Variants in YY1AP1 observed in about 807,000 individuals in gnomAD.
The protein encoded by YY1AP1 is YY1 associated protein 1.
A neutral mutation model predicts 39.9 loss-of-function variants in YY1AP1; 43 were observed. The ratio of observed to expected loss-of-function variants is 1.08; its 90% CI spans 0.84 to 1.39. YY1AP1 has a LOEUF of 1.39. Ranked by LOEUF, YY1AP1 falls within the 40% of genes most tolerant of loss-of-function variation. YY1AP1 has a pLI of 0.00. For missense variants in YY1AP1, 813 were observed against 900.7 expected, an observed-to-expected ratio of 0.90 and a Z score of 1.25; for synonymous variants, 292 against 331.3, an observed-to-expected ratio of 0.88 and a Z score of 1.29.
chr1:155,664,530 T>C (rs1405907592), intron 9 of YY1AP1, among the ~76,000 whole-genome samples: 1 of 151,722 alleles, frequency 6.6e-6, no homozygotes, highest in Non-Finnish European at 1.5e-5. Context: ...AGGTCAGGGG[T>C]TCGAGATCAC....
At chr1:155,670,009 A>G (rs984500002) in intron 8 of YY1AP1, among the ~76,000 whole-genome samples, 1 of 152,200 alleles carries the variant, frequency 6.6e-6, no homozygotes, top group Non-Finnish European at 1.5e-5. Flanking sequence ...TGGGTGACAG[A>G]GTAAGATCCT....
At chr1:155,674,909 C>G in intron 6 of YY1AP1, 101 bp downstream of exon 6, 1 of 1,010,662 alleles carries the variant, frequency 9.9e-7, no homozygotes, top group Non-Finnish European at 1.5e-6. Flanking sequence ...ACATAGGAAG[C>G]CACAGCAATC....
intron 5 of YY1AP1, among the ~76,000 whole-genome samples, chr1:155,675,996 G>A (rs1271763676): frequency 6.6e-6 from 1 of 152,118 alleles, no homozygotes; most frequent in Non-Finnish European, 1.5e-5. Flanking sequence ...GGCCGAGGCG[G>A]GTGGATCACG....
chr1:155,675,186 G>A lies in YY1AP1; in HGVS notation c.325-90C>T, dbSNP rs186954416. ...TATTTTTTTTTCCCCCTGGAGACAGGGTCTTGCTCTGTCACACAGCTTGGA... is the reference window on the plus strand; with the variant it reads ...TATTTTTTTTTCCCCCTGGAGACAGAGTCTTGCTCTGTCACACAGCTTGGA... On this transcript the variant is annotated intron_variant, in intron 5 of 10. Coordinates refer to ENST00000355499, the MANE Select transcript of YY1AP1 (RefSeq NM_139119.3). The A allele has an allele frequency of 9.6e-5, 117 of 1,221,360 alleles. 1 individual carries two copies. The African/African-American group carries it at 1.5e-3, about 15-fold the overall frequency. The allele number at this position is 1,221,360 out of a possible 1,614,324, so 75.7% of individuals were successfully genotyped here.
chr1:155,680,339 T>C (rs2149065217), intron 3 of YY1AP1, 77 bp downstream of exon 3: 3 of 1,525,606 alleles, frequency 2.0e-6, no homozygotes, highest in Non-Finnish European at 2.7e-6. Context: ...AGAAGGAGCA[T>C]CACAGAGATC....
At chr1:155,684,189 A>G (rs1047566501) in intron 2 of YY1AP1, among the ~76,000 whole-genome samples, 1 of 152,210 alleles carries the variant, frequency 6.6e-6, no homozygotes, top group Admixed American at 6.5e-5. Flanking sequence ...CAGAGGTTGC[A>G]GTGAGGCAAG....
At chr1:155,673,633 T>C (rs1438171016) in intron 6 of YY1AP1, among the ~76,000 whole-genome samples, 1 of 152,106 alleles carries the variant, frequency 6.6e-6, no homozygotes, top group Non-Finnish European at 1.5e-5. Context: ...AGTCTCAACG[T>C]CCCAGGCTCA....
intron 8 of YY1AP1, among the ~76,000 whole-genome samples, chr1:155,669,358 A>G (rs562380266): frequency 6.6e-6 from 1 of 152,252 alleles, no homozygotes; most frequent in Middle Eastern, 3.4e-3. Flanking sequence ...TTCTACAACT[A>G]ATTCTTGTAG....
chr1:155,661,036 A>C, intron 10 of YY1AP1, 123 bp from the exon 11 acceptor site: 3 of 1,530,550 alleles, frequency 2.0e-6, no homozygotes, highest in Non-Finnish European at 2.7e-6. Context: ...CTGCATATGA[A>C]ATTTCTACAA....
intron 2 of YY1AP1, among the ~76,000 whole-genome samples, chr1:155,682,361 CTGATCTCTG>C (rs1282701407): frequency 6.6e-6 from 1 of 152,028 alleles, no homozygotes; most frequent in Non-Finnish European, 1.5e-5. Context: ...AATGAGCGTT[CTGATCTCTG>C]ACACACAAAG....
rs771039438 is a variant in YY1AP1 at position 155,672,699 on chromosome 1, G to A, written c.444C>T (p.Ile148=). Residue 148 remains isoleucine (I), a synonymous_variant, in exon 7 of 11, where the codon ATC becomes ATT. Coordinates refer to ENST00000355499, the MANE Select transcript of YY1AP1 (RefSeq NM_139119.3). The part of the protein sequence containing the change: ...KELGTFAQSS[I]ALHHQYNPKF... Reference sequence around the variant, plus strand: ...TGGGGTTGTACTGATGGTGAAGGGCGATGGAGCTTTGAGCAAAGGTTCCCA... The same window carrying A: ...TGGGGTTGTACTGATGGTGAAGGGCAATGGAGCTTTGAGCAAAGGTTCCCA... 2.5e-6 allele frequency: 4 copies of A among 1,614,056 alleles called. No homozygotes were observed. The highest frequency in any genetic ancestry group is 1.3e-5 in the African/African-American group (1 of 74,912).
In YY1AP1 at chr1:155,688,701, T is replaced by G. The variant is rs1653124077; in HGVS notation, c.-194A>C. ...CAAGCCTTCTCCACCTCCTCTTCTC[T>G]CCTCCCCCTCCCTCCCCGCCCGCAC... On this transcript the variant is annotated 5_prime_UTR_variant, in exon 1 of 11. Transcript: ENST00000355499. 2.0e-6 allele frequency: 3 copies of G among 1,521,526 alleles called. No individual in the cohort carries two copies. Among genetic ancestry groups the G allele is most frequent in the African/African-American group, 2.8e-5 (2 of 71,976 alleles). The allele number at this position is 1,521,526 out of a possible 1,614,324, so 94.3% of individuals were successfully genotyped here. A position where few individuals can be genotyped will look rare whatever the true frequency, so the allele number is the denominator to read the frequency against.
In YY1AP1 at chr1:155,676,682, G is replaced by C. The variant is rs1363715984; in HGVS notation, c.190C>G (p.Gln64Glu). The C allele has an allele frequency of 6.2e-7, 1 of 1,614,138 alleles. No individual in the cohort carries two copies. Among genetic ancestry groups the C allele is most frequent in the East Asian group, 2.2e-5 (1 of 44,880 alleles). ...QHQIAKELFE[Q>E]LKMKKPSAKQ... Reference sequence around the variant, plus strand: ...GCTGAAGGTTTCTTCATCTTCAGCTGTTCAAATAGTTCCTTCGCTATCTGA... The same window carrying C: ...GCTGAAGGTTTCTTCATCTTCAGCTCTTCAAATAGTTCCTTCGCTATCTGA... Residue 64 changes from glutamine to glutamate, a missense_variant, in exon 5 of 11, where the codon CAG becomes GAG. This residue lies in a region of YY1AP1 where 196 missense variants were observed against 189.7 expected (regional missense o/e 1.03). Coordinates refer to ENST00000355499, the MANE Select transcript of YY1AP1 (RefSeq NM_139119.3).
intron 5 of YY1AP1, 73 bp from the exon 6 acceptor site, chr1:155,675,169 T>A (rs935283076): frequency 1.4e-6 from 2 of 1,452,256 alleles, no homozygotes. Flanking sequence ...GATATTTTTT[T>A]TTCCCCCTGG....
intron 6 of YY1AP1, 101 bp downstream of exon 6, chr1:155,674,909 C>T: frequency 9.9e-7 from 1 of 1,010,662 alleles, no homozygotes; most frequent in Non-Finnish European, 1.5e-6. Flanking sequence ...ACATAGGAAG[C>T]CACAGCAATC....
chr1:155,686,568 G>GC (rs34215620), intron 2 of YY1AP1, among the ~76,000 whole-genome samples: 9,591 of 152,102 alleles, frequency 0.063, 1,083 homozygotes, highest in African/African-American at 0.22. Context: ...TCACCTCAAG[G>GC]CATGGACCAT....
At chr1:155,679,806 G>A in intron 3 of YY1AP1, 1 of 1,244,358 alleles carries the variant, frequency 8.0e-7, no homozygotes, top group Non-Finnish European at 1.0e-6. Flanking sequence ...CAAATTTATG[G>A]AAAAGGTAAT....
At chr1:155,680,726 C>T (rs1259198276) in intron 2 of YY1AP1, among the ~76,000 whole-genome samples, 4 of 152,094 alleles carry the variant, frequency 2.6e-5, no homozygotes. Context: ...GCTGTCATGC[C>T]CGGCTAATTC....
At chr1:155,668,601 G>C (rs781311670) in intron 9 of YY1AP1, 26 bp downstream of exon 9, 1 of 1,614,048 alleles carries the variant, frequency 6.2e-7, no homozygotes, top group South Asian at 1.1e-5. Flanking sequence ...TGAGGTGCCT[G>C]GATAGTGCAT....
Sources: gnomAD v4.1 joint callset for allele counts (sites outside exome capture counted in the v4.1 genomes callset) on GRCh38, gnomAD v4.1.1 for gene constraint, gnomAD v4.1.1 regional missense constraint, MANE v1.5 for transcripts, NCBI Gene and HGNC (gene_info 2026-07-23, HGNC 2026-07-21) for gene names.